The following TMEM63A variants were observed in gnomAD, a reference collection of about 807,000 sequenced individuals.
TMEM63A encodes the protein mechanosensitive cation channel TMEM63A.
In TMEM63A, 76 loss-of-function variants were observed where a neutral mutation model predicts 100.6. The observed-to-expected ratio is 0.76, with a 90% confidence interval of 0.63 to 0.91. The LOEUF (loss-of-function observed/expected upper bound fraction) is 0.91, where lower values mean the gene tolerates loss of function less well. Ranked by LOEUF, TMEM63A falls within the 40% of genes least tolerant of loss-of-function variation. TMEM63A has a pLI of 0.00. For missense variants in TMEM63A, 876 were observed against 1,008.8 expected, an observed-to-expected ratio of 0.87 and a Z score of 1.78; for synonymous variants, 401 against 401.1, an observed-to-expected ratio of 1.00 and a Z score of 0.00.
chr1:225,859,399 G>C (rs572602118), intron 14 of TMEM63A, 50 bp from the exon 15 acceptor site: 4 of 1,604,032 alleles, frequency 2.5e-6, no homozygotes, highest in Non-Finnish European at 3.4e-6. Context: ...CCCAGTGCTC[G>C]TGGCTTAGGT....
chr1:225,871,849 G>C, intron 5 of TMEM63A, 138 bp downstream of exon 5: 1 of 648,630 alleles, frequency 1.5e-6, no homozygotes, highest in Non-Finnish European at 2.7e-6. Context: ...TATTTCCCAA[G>C]TTCAGGTGCC....
At chr1:225,860,700 G>T in intron 14 of TMEM63A, 160 bp downstream of exon 14, 1 of 801,136 alleles carries the variant, frequency 1.2e-6, no homozygotes. Flanking sequence ...AGATACCCCA[G>T]TTGGGCCACA....
chr1:225,871,908 C>T (rs946540955), intron 5 of TMEM63A, 79 bp downstream of exon 5: 103 of 1,104,924 alleles, frequency 9.3e-5, no homozygotes, highest in African/African-American at 3.1e-5. Flanking sequence ...GCTCAAGATC[C>T]GCCCTGCTCC....
chr1:225,845,397 GCTTTTCTTGGGGAAGATACCC>G (rs1474549235), downstream of TMEM63A: 1 of 1,528,022 alleles, frequency 6.5e-7, no homozygotes, highest in African/African-American at 1.4e-5. Context: ...TGCCCTCCAG[GCTTTTCTTGGGGAAGATACCC>G]CTTTTCTGAG....
chr1:225,861,183 T>A, intron 13 of TMEM63A, 186 bp from the exon 14 acceptor site: 1 of 534,596 alleles, frequency 1.9e-6, no homozygotes, highest in Non-Finnish European at 3.0e-6. Context: ...GAATTTTGTT[T>A]AATCCTCGCA....
Position 225,853,752 on chromosome 1 carries a change from G to A in TMEM63A, c.1674C>T (p.Asn558=). ...FLPDQGAFFV[N]YVIASAFIGN... ...CGATGAAGGCCGAGGCGATGACATA[G>A]TTCACAAAGAAGGCACCCTGGTCAG... is the stretch of plus-strand genomic sequence containing the variant. Residue 558 remains asparagine (N), a synonymous_variant, in exon 19 of 25, where the codon AAC becomes AAT. Coordinates refer to ENST00000366835, the MANE Select transcript of TMEM63A (RefSeq NM_014698.3). The surrounding 1 kb of genome is among the most constrained non-coding windows in gnomAD (Gnocchi z 4.0). 2 of 1,608,130 alleles carry A rather than the reference G, an allele frequency of 1.2e-6. No homozygotes were observed. The highest frequency in any genetic ancestry group is 1.7e-6 in the Non-Finnish European group (2 of 1,177,286).
intron 3 of TMEM63A, among the ~76,000 whole-genome samples, chr1:225,876,042 G>A (rs1207475898): frequency 3.2e-5 from 4 of 123,570 alleles, no homozygotes; most frequent in African/African-American, 1.3e-4. Context: ...CTTCAGCCTG[G>A]GTGACAGTGA....
chr1:225,844,404 G>T, downstream of TMEM63A: 1 of 1,600,592 alleles, frequency 6.2e-7, no homozygotes. Context: ...AAGCCGCATG[G>T]GCAGGGCCTG....
At chr1:225,874,696 C>T (rs937297808) in intron 3 of TMEM63A, among the ~76,000 whole-genome samples, 1 of 152,258 alleles carries the variant, frequency 6.6e-6, no homozygotes, top group Non-Finnish European at 1.5e-5. Context: ...GGCCCAGTCT[C>T]GGGCCCTGCT....
rs1669477339 is a variant in TMEM63A, at chr1:225,853,831, C to G, written c.1635-40G>C. 2 of 1,533,020 alleles carry G rather than the reference C, an allele frequency of 1.3e-6. No homozygotes were observed. The highest frequency in any genetic ancestry group is 1.8e-6 in the Non-Finnish European group (2 of 1,140,108). The allele number at this position is 1,533,020 out of a possible 1,614,324, so 95.0% of individuals were successfully genotyped here. On this transcript the variant is annotated intron_variant, in intron 18 of 24. Coordinates refer to ENST00000366835, the MANE Select transcript of TMEM63A (RefSeq NM_014698.3). The surrounding 1 kb of genome is among the most constrained non-coding windows in gnomAD (Gnocchi z 4.0). ...GCCCAGGTCTGTGAGCTGAGAGCCG[C>G]TCTTGGAGGGAGAGGAGGGGCCCCT...
At chr1:225,854,140 TCGTG>T (rs1669493989) in intron 18 of TMEM63A, among the ~76,000 whole-genome samples, 2 of 102,532 alleles carry the variant, frequency 2.0e-5, no homozygotes, top group African/African-American at 5.5e-5. Flanking sequence ...GAGGTGATAT[TCGTG>T]CAGAAATGTG....
rs192873715 is a variant in TMEM63A at position 225,870,209 on chromosome 1, G to A, written c.371+867C>T. Among the ~76,000 whole-genome samples, 84 of 152,096 alleles carry A rather than the reference G, an allele frequency of 5.5e-4. 1 individual carries two copies. The highest frequency in any genetic ancestry group is 1.1e-3 in the Non-Finnish European group (72 of 67,998). On this transcript the variant is annotated intron_variant, in intron 6 of 24. Coordinates refer to ENST00000366835, the MANE Select transcript of TMEM63A (RefSeq NM_014698.3). ...TACTAAAAATACAAAAATATTAGCT[G>A]GGCATGGTGGCGCATGCCTGTAATC...
In TMEM63A at chr1:225,877,428, G is replaced by T. The variant is rs769645712; in HGVS notation, c.153C>A (p.Pro51=). The T allele has an allele frequency of 1.2e-6, 2 of 1,614,050 alleles. No homozygotes were observed. The highest frequency in any genetic ancestry group is 2.7e-5 in the African/African-American group (2 of 74,938). Residue 51 remains proline, a synonymous_variant, in exon 3 of 25, where the codon CCC becomes CCA. Coordinates refer to ENST00000366835, the MANE Select transcript of TMEM63A (RefSeq NM_014698.3). ...AGCTGACGTCTATGAGCAGGACAGT[G>T]GGGATGCCACCAAAGGTGACCCCCT... The part of the protein sequence containing the change: ...VLQGVTFGGI[P]TVLLIDVSCF...
chr1:225,881,077 C>G (rs1671063992), intron 1 of TMEM63A, among the ~76,000 whole-genome samples: 1 of 152,216 alleles, frequency 6.6e-6, no homozygotes. Flanking sequence ...AAGTAAAGTA[C>G]AAACTTCTCC....
intron 5 of TMEM63A, 122 bp downstream of exon 5, chr1:225,871,865 C>G (rs78286889): frequency 1.5e-5 from 11 of 715,818 alleles, no homozygotes; most frequent in Non-Finnish European, 2.4e-5. Context: ...GTGCCTTCGT[C>G]GATGCAGAAA....
chr1:225,871,257 G>A, intron 5 of TMEM63A, 144 bp from the exon 6 acceptor site: 2 of 785,902 alleles, frequency 2.5e-6, no homozygotes, highest in East Asian at 2.8e-5. Flanking sequence ...GCAAGCATGA[G>A]CCCAGTACTT....
chr1:225,856,436 C>CCAATATGGTGTTTTTT (rs1188097685), intron 17 of TMEM63A, among the ~76,000 whole-genome samples: 1 of 150,250 alleles, frequency 6.7e-6, no homozygotes, highest in African/African-American at 2.5e-5. Context: ...AACAGCCTGA[C>CCAATATGGTGTTTTTT]CAATATGGTG....
intron 23 of TMEM63A, chr1:225,848,288 C>CT (rs1476049816): frequency 1.0e-5 from 6 of 592,050 alleles, no homozygotes; most frequent in Admixed American, 3.1e-5. Context: ...AGACAAGACT[C>CT]TATCTCCTCA....
Position 225,862,386 on chromosome 1 carries a change from C to T in TMEM63A, c.952-35G>A, listed in dbSNP as rs1360130549. ...GACACATCCCATTGGGATGACGTGG[C>T]CCCATGCTGGTATCTGGGGCACCCC... On this transcript the variant is annotated intron_variant, in intron 12 of 24. Coordinates refer to ENST00000366835, the MANE Select transcript of TMEM63A (RefSeq NM_014698.3). This position sits in a 1 kb window ranked among gnomAD's most constrained non-coding sequence, Gnocchi z 5.1. 1 of 1,613,992 alleles carries T rather than the reference C, an allele frequency of 6.2e-7. No homozygotes were observed. The highest frequency in any genetic ancestry group is 1.3e-5 in the African/African-American group (1 of 75,040).
Sources: allele counts gnomAD v4.1 joint callset (sites outside exome capture counted in the v4.1 genomes callset), GRCh38; gene constraint gnomAD v4.1.1; non-coding constraint Gnocchi (gnomAD v3.1); transcripts MANE v1.5; gene names NCBI Gene and HGNC (gene_info 2026-07-23, HGNC 2026-07-21).